Variants in TMCO6 observed in about 807,000 individuals in gnomAD.
The protein encoded by TMCO6 is transmembrane and coiled-coil domain-containing protein 6.
In TMCO6, 47 loss-of-function variants were observed where a neutral mutation model predicts 61.8. The ratio of observed to expected loss-of-function variants is 0.76; its 90% confidence interval spans 0.60 to 0.97. TMCO6 has a LOEUF of 0.97. TMCO6 is among the 50% of genes least tolerant of loss of function. TMCO6 has a pLI of 0.00. For missense variants in TMCO6, 557 were observed against 601.6 expected (o/e 0.93, Z 0.78); for synonymous variants, 261 against 254.2 (o/e 1.03, Z -0.25).
chr5:140,646,073 C>T (rs187285607), downstream of TMCO6, among the ~76,000 whole-genome samples: 1 of 149,536 alleles, frequency 6.7e-6, no homozygotes, highest in African/African-American at 2.5e-5. Flanking sequence ...TGTGGTGGCA[C>T]GATCTCCACT....
At chr5:140,599,894 C>A in the TMCO6 span, among the ~76,000 whole-genome samples, 2 of 151,756 alleles carry the variant, frequency 1.3e-5, no homozygotes, top group Admixed American at 1.3e-4. Context: ...GGTGACAGAG[C>A]AAGGCTCCAT....
the TMCO6 span, among the ~76,000 whole-genome samples, chr5:140,601,627 A>G: frequency 6.6e-6 from 1 of 152,164 alleles, no homozygotes; most frequent in East Asian, 1.9e-4. Flanking sequence ...CAATCTCAGA[A>G]CTATGGTAAT....
the TMCO6 span, among the ~76,000 whole-genome samples, chr5:140,602,601 A>G: frequency 6.6e-6 from 1 of 152,020 alleles, no homozygotes; most frequent in South Asian, 2.1e-4. Context: ...CCATCTCTAC[A>G]AAAATACAAA....
chr5:140,632,770 G>A, the TMCO6 span: 1 of 1,613,390 alleles, frequency 6.2e-7, no homozygotes, highest in African/African-American at 1.3e-5. This position sits in a 1 kb window ranked among gnomAD's most constrained non-coding sequence, Gnocchi z 6.2. Flanking sequence ...GCATCGACGC[G>A]CTTTAGAAAC....
At chr5:140,618,213 T>A in the TMCO6 span, among the ~76,000 whole-genome samples, 274 of 152,236 alleles carry the variant, frequency 1.8e-3, no homozygotes, top group Non-Finnish European at 3.2e-3. Context: ...ATGGATCACT[T>A]GAGGTCAGGA....
At chr5:140,615,496 A>G in the TMCO6 span, among the ~76,000 whole-genome samples, 54 of 152,032 alleles carry the variant, frequency 3.6e-4, no homozygotes, top group Non-Finnish European at 2.9e-4. Context: ...CAATCTTGGG[A>G]AAAAAAAGAA....
chr5:140,607,823 T>C, the TMCO6 span, among the ~76,000 whole-genome samples: 3 of 150,174 alleles, frequency 2.0e-5, no homozygotes, highest in Non-Finnish European at 3.0e-5. Flanking sequence ...AGGGTCTCTC[T>C]CTGTTGCCCA....
downstream of TMCO6, chr5:140,645,777 A>T: frequency 6.4e-7 from 1 of 1,565,256 alleles, no homozygotes; most frequent in Non-Finnish European, 8.7e-7. Flanking sequence ...TTGTTAAGAC[A>T]GGAAGAGTAT....
chr5:140,611,613 CATT>C, the TMCO6 span, among the ~76,000 whole-genome samples: 1 of 152,190 alleles, frequency 6.6e-6, no homozygotes, highest in South Asian at 2.1e-4. Flanking sequence ...TCAAAACCAT[CATT>C]GCACTCCTGG....
Position 140,641,873 on chromosome 5 carries a change from G to C in TMCO6, c.318G>C (p.Leu106=), listed in dbSNP as rs1278249337. Residue 106 remains leucine (L), a synonymous_variant, in exon 4 of 12, where the codon CTG becomes CTC. Coordinates refer to ENST00000394671, the MANE Select transcript of TMCO6 (RefSeq NM_018502.5). ...GCTCTGGTACTCACTCACATAGGCT[G>C]GAGGGCAGCATGCGGACCCTGGTCG... The part of the protein sequence containing the change: ...HPETQQTFIR[L]EGSMRTLVGL... 1.2e-6 allele frequency: 2 copies of C among 1,612,936 alleles called. No homozygotes were observed. The highest frequency in any genetic ancestry group is 1.7e-5 in the Admixed American group (1 of 60,004).
chr5:140,640,250 T>C (rs927656623), intron 2 of TMCO6, among the ~76,000 whole-genome samples: 4 of 152,148 alleles, frequency 2.6e-5, no homozygotes, highest in African/African-American at 9.7e-5. Context: ...GTCTAGCCTC[T>C]TCCTAACTCA....
chr5:140,615,041 AT>A, the TMCO6 span, among the ~76,000 whole-genome samples: 3 of 152,240 alleles, frequency 2.0e-5, no homozygotes, highest in African/African-American at 7.2e-5. Flanking sequence ...ATGATCTTAT[AT>A]GTAGAAAACC....
chr5:140,622,937 C>T, the TMCO6 span, among the ~76,000 whole-genome samples: 6 of 152,004 alleles, frequency 3.9e-5, no homozygotes, highest in Admixed American at 1.3e-4. Context: ...AGGCTGGTCT[C>T]GAACCCCTGG....
At chr5:140,630,180 G>A in the TMCO6 span, among the ~76,000 whole-genome samples, 1 of 151,784 alleles carries the variant, frequency 6.6e-6, no homozygotes, top group African/African-American at 2.4e-5. Flanking sequence ...TTTTAGTAGA[G>A]ACAGGGTTTC....
At chr5:140,629,241 C>G in the TMCO6 span, among the ~76,000 whole-genome samples, 1 of 151,900 alleles carries the variant, frequency 6.6e-6, no homozygotes, top group Non-Finnish European at 1.5e-5. Context: ...TGCACTCCAG[C>G]CTAGGTGACA....
the TMCO6 span, among the ~76,000 whole-genome samples, chr5:140,612,046 C>T: frequency 6.6e-6 from 1 of 152,002 alleles, no homozygotes; most frequent in Admixed American, 6.6e-5. Flanking sequence ...TAGTGTAGAA[C>T]AACAACAAAA....
At chr5:140,644,860 A>G in intron 11 of TMCO6, 120 bp downstream of exon 11, 1 of 1,510,654 alleles carries the variant, frequency 6.6e-7, no homozygotes, top group East Asian at 2.3e-5. Context: ...TATAGGTTCC[A>G]TGTCAGAAAC....
At chr5:140,627,648 C>T in the TMCO6 span, among the ~76,000 whole-genome samples, 1 of 152,090 alleles carries the variant, frequency 6.6e-6, no homozygotes, top group African/African-American at 2.4e-5. Context: ...ATTACACACA[C>T]ACAACATATG....
chr5:140,632,300 CG>C, the TMCO6 span: 1 of 1,613,968 alleles, frequency 6.2e-7, no homozygotes, highest in South Asian at 1.1e-5. The surrounding 1 kb of genome is among the most constrained non-coding windows in gnomAD (Gnocchi z 6.2). Context: ...TGTTGCGCAG[CG>C]CTAGATTCTG....
Sources: gnomAD v4.1 joint callset for allele counts (sites outside exome capture counted in the v4.1 genomes callset) on GRCh38, gnomAD v4.1.1 for gene constraint, Gnocchi (gnomAD v3.1) non-coding constraint, MANE v1.5 for transcripts, NCBI Gene and HGNC (gene_info 2026-07-23, HGNC 2026-07-21) for gene names.